Variants in PCDHGB4 observed in about 807,000 individuals in gnomAD.
The protein encoded by PCDHGB4 is protocadherin gamma subfamily B, 4, also known as protocadherin gamma-B4.
PCDHGB4 carries 38 observed loss-of-function variants against 60.5 expected under a neutral mutation model. The ratio of observed to expected loss-of-function variants is 0.63; its 90% CI spans 0.48 to 0.82. The LOEUF (loss-of-function observed/expected upper bound fraction) is 0.82. Among genes scored for constraint, PCDHGB4 ranks in the 40% least tolerant of loss-of-function variants. The pLI is 0.00. For missense variants in PCDHGB4, 1,109 were observed against 1,209.6 expected (o/e 0.92, Z 1.23); for synonymous variants, 456 against 509.7 (o/e 0.89, Z 1.42).
intron 1 of PCDHGB4, chr5:141,421,731 C>G (rs73792198): frequency 6.2e-7 from 1 of 1,613,742 alleles, no homozygotes; most frequent in Non-Finnish European, 8.5e-7. Flanking sequence ...TGAACTCCCT[C>G]CAGAGCTACC....
chr5:141,416,016 G>C (rs190922355), intron 1 of PCDHGB4: 29 of 227,390 alleles, frequency 1.3e-4, no homozygotes, highest in Non-Finnish European at 2.2e-4. Context: ...GAATAGGTAA[G>C]TATCAGAAAG....
In PCDHGB4 at chr5:141,491,511, C is replaced by G. The variant is rs777448782; in HGVS notation, c.2398-3296C>G. 6.2e-7 allele frequency: 1 copy of G among 1,614,080 alleles called. No individual in the cohort carries two copies. The highest frequency in any genetic ancestry group is 8.5e-7 in the Non-Finnish European group (1 of 1,180,018). ...TGCAGGTGAGCTCGGACGGCACGCT[C>G]AAGTACATGGAGGTGACGCTGCGGC... On this transcript the variant is annotated intron_variant, in intron 1 of 3. Transcript: ENST00000519479. This position sits in a 1 kb window ranked among gnomAD's most constrained non-coding sequence, Gnocchi z 6.9.
intron 1 of PCDHGB4, chr5:141,403,227 G>T: frequency 1.9e-6 from 3 of 1,608,966 alleles, no homozygotes; most frequent in Non-Finnish European, 2.6e-6. Context: ...AGGATAGACC[G>T]GGAGGAGCTC....
Position 141,431,386 on chromosome 5 carries a change from C to A in PCDHGB4, c.2397+41105C>A. The stretch of plus-strand genomic sequence containing the variant: ...ACCGCGAAGAAAAGGCTGCTCACCA[C>A]CTGGTCCTTACGGCCTCCGACGGGG... On this transcript the variant is annotated intron_variant, in intron 1 of 3. Coordinates refer to ENST00000519479, the MANE Select transcript of PCDHGB4 (RefSeq NM_003736.4). The surrounding 1 kb of genome is among the most constrained non-coding windows in gnomAD (Gnocchi z 4.8). The A allele has an allele frequency of 6.2e-7, 1 of 1,613,924 alleles. No individual in the cohort carries two copies. Among genetic ancestry groups the A allele is most frequent in the Non-Finnish European group, 8.5e-7 (1 of 1,180,038 alleles).
chr5:141,399,872 A>G (rs759178048), intron 1 of PCDHGB4: 2 of 1,612,652 alleles, frequency 1.2e-6, no homozygotes, highest in Non-Finnish European at 1.7e-6. Flanking sequence ...GAGCCCGGCT[A>G]CCTGGTGACC....
chr5:141,491,110 C>T lies in PCDHGB4; in HGVS notation c.2398-3697C>T. On this transcript the variant is annotated intron_variant, in intron 1 of 3. Transcript: ENST00000519479. This position sits in a 1 kb window ranked among gnomAD's most constrained non-coding sequence, Gnocchi z 6.9. ...CCCAGGACTGTTCCTCGTGTCTACA[C>T]ACACTGGTGAGGTGCGCACAGCCCG... 3.7e-6 allele frequency: 6 copies of T among 1,614,212 alleles called. No individual in the cohort carries two copies. Among genetic ancestry groups the T allele is most frequent in the Non-Finnish European group, 5.1e-6 (6 of 1,180,024 alleles).
intron 1 of PCDHGB4, among the ~76,000 whole-genome samples, chr5:141,443,210 G>A (rs142248407): frequency 3.2e-4 from 49 of 151,888 alleles, no homozygotes; most frequent in African/African-American, 9.4e-4. Context: ...AGCTTGTCTC[G>A]CCAGGCGCAT....
At chr5:141,408,967 G>GC in intron 1 of PCDHGB4, 2 of 1,613,782 alleles carry the variant, frequency 1.2e-6, no homozygotes, top group Non-Finnish European at 1.7e-6. Context: ...GTGAAAATCT[G>GC]CCCCCTGGGT....
At chr5:141,420,474 C>T in intron 1 of PCDHGB4, 1 of 677,328 alleles carries the variant, frequency 1.5e-6, no homozygotes, top group Non-Finnish European at 2.1e-6. Context: ...CATTTTAAAG[C>T]AAACTACATG....
chr5:141,509,371 T>C (rs2099876508), intron 3 of PCDHGB4, among the ~76,000 whole-genome samples: 1 of 152,258 alleles, frequency 6.6e-6, no homozygotes, highest in South Asian at 2.1e-4. Context: ...AGGTTTTAAC[T>C]GTCTCCTAAC....
chr5:141,389,424 G>T lies in PCDHGB4; in HGVS notation c.1540G>T (p.Ala514Ser). The T allele has an allele frequency of 6.2e-7, 1 of 1,613,510 alleles. No homozygotes were observed. Among genetic ancestry groups the T allele is most frequent in the Non-Finnish European group, 8.5e-7 (1 of 1,179,892 alleles). The change falls in exon 1 of 4, where the codon GCG (alanine) becomes TCG (serine). Residue 514 changes from alanine to serine, a missense_variant. By Grantham distance (99) the Ala-to-Ser change is moderately conservative. Coordinates refer to ENST00000519479, the MANE Select transcript of PCDHGB4 (RefSeq NM_003736.4). Reference sequence around the variant, plus strand: ...AAGCGCGGAGAGCGGGGTGGTGTTCGCGCAGCGCGCCTTCGACCACGAGCA... The same window carrying T: ...AAGCGCGGAGAGCGGGGTGGTGTTCTCGCAGCGCGCCTTCGACCACGAGCA... Reference protein sequence around the residue: ...SISAESGVVFAQRAFDHEQLR... With the variant: ...SISAESGVVFSQRAFDHEQLR...
intron 1 of PCDHGB4, chr5:141,414,621 C>G: frequency 6.2e-7 from 1 of 1,613,996 alleles, no homozygotes; most frequent in Non-Finnish European, 8.5e-7. Flanking sequence ...CAGCGCTGGA[C>G]CCGGACAGCA....
At chr5:141,410,818 T>C (rs567397835) in intron 1 of PCDHGB4, 1 of 556,016 alleles carries the variant, frequency 1.8e-6, no homozygotes, top group African/African-American at 2.1e-5. Context: ...TGTAAAATAA[T>C]GTCACCAGAC....
At chr5:141,492,241 C>T (rs1351937353) in intron 1 of PCDHGB4, among the ~76,000 whole-genome samples, 1 of 152,186 alleles carries the variant, frequency 6.6e-6, no homozygotes, top group African/African-American at 2.4e-5. Flanking sequence ...TGCTGGCCAC[C>T]CCCACGGCCC....
At chr5:141,414,520 A>G in intron 1 of PCDHGB4, 1 of 1,613,990 alleles carries the variant, frequency 6.2e-7, no homozygotes, top group Non-Finnish European at 8.5e-7. Flanking sequence ...AGTGGCAGAT[A>G]TCAATGACAA....
chr5:141,403,879 T>C (rs981085034), intron 1 of PCDHGB4: 19 of 1,613,692 alleles, frequency 1.2e-5, no homozygotes, highest in Non-Finnish European at 1.6e-5. Context: ...GTCTAGATTA[T>C]GAAGAATGTT....
At chr5:141,463,692 C>A (rs1482988660) in intron 1 of PCDHGB4, among the ~76,000 whole-genome samples, 2 of 151,934 alleles carry the variant, frequency 1.3e-5, no homozygotes, top group Non-Finnish European at 2.9e-5. Flanking sequence ...GTGATCTGCT[C>A]ACCTCGGCCT....
chr5:141,441,927 G>A (rs2098285195), intron 1 of PCDHGB4: 2 of 354,242 alleles, frequency 5.6e-6, no homozygotes, highest in Non-Finnish European at 1.1e-5. Flanking sequence ...ACAATGCGTG[G>A]CTGTCCTACC....
intron 1 of PCDHGB4, chr5:141,400,209 G>A: frequency 6.2e-7 from 1 of 1,614,052 alleles, no homozygotes; most frequent in South Asian, 1.1e-5. Context: ...CCTTGGCCTT[G>A]ATCTCAGTGC....
Sources: allele counts gnomAD v4.1 joint callset (sites outside exome capture counted in the v4.1 genomes callset), GRCh38; gene constraint gnomAD v4.1.1; non-coding constraint Gnocchi (gnomAD v3.1); transcripts MANE v1.5; gene names NCBI Gene and HGNC (gene_info 2026-07-23, HGNC 2026-07-21).